The following GAB2 variants were observed in gnomAD, a reference collection of about 807,000 sequenced individuals.
GAB2 encodes GRB2-associated-binding protein 2.
In GAB2, 26 loss-of-function variants were observed where a neutral mutation model predicts 65.5. The observed-to-expected ratio is 0.40, with a 90% CI of 0.29 to 0.55. GAB2 has a LOEUF of 0.55. GAB2 is among the 20% of genes least tolerant of loss of function. GAB2 has a pLI of 0.53. For missense variants in GAB2, 884 were observed against 875.8 expected (o/e 1.01, Z -0.12); for synonymous variants, 321 against 329.6 (o/e 0.97, Z 0.28).
chr11:78,303,484 G>T (rs928762457), intron 1 of GAB2, among the ~76,000 whole-genome samples: 1 of 152,108 alleles, frequency 6.6e-6, no homozygotes, highest in South Asian at 2.1e-4. Context: ...TCAAATACAT[G>T]TAGGCCTATT....
chr11:78,344,973 T>A (rs1282621035), intron 1 of GAB2, among the ~76,000 whole-genome samples: 1 of 152,210 alleles, frequency 6.6e-6, no homozygotes, highest in Non-Finnish European at 1.5e-5. Context: ...CTTATAACAT[T>A]AAGTGAAATA....
In GAB2 at chr11:78,219,435, AAG is replaced by A. The variant is rs768583390; in HGVS notation, c.1888-22_1888-21del. On this transcript the variant is annotated intron_variant, in intron 9 of 9. Transcript: ENST00000361507. The stretch of plus-strand genomic sequence containing the variant: ...AGATGGCTGAGGGGACAGAGTGGGA[AAG>A]AGGGAGTAGCTGTGAGTTACCAGTT... 16 of 1,612,458 alleles carry A rather than the reference AAG, an allele frequency of 9.9e-6. No individual in the cohort carries two copies. In the Admixed American group the frequency reaches 2.0e-4, roughly 20 times the overall value.
chr11:78,353,990 C>T (rs936968864), intron 1 of GAB2, among the ~76,000 whole-genome samples: 2 of 152,228 alleles, frequency 1.3e-5, no homozygotes, highest in African/African-American at 4.8e-5. Context: ...GTAGCTCTGG[C>T]TTGGGGGCCT....
At chr11:78,339,499 A>G (rs1012660081) in intron 1 of GAB2, among the ~76,000 whole-genome samples, 7 of 152,194 alleles carry the variant, frequency 4.6e-5, no homozygotes, top group African/African-American at 1.4e-4. Flanking sequence ...GCCCTACAAT[A>G]CAACAAATTG....
intron 5 of GAB2, 41 bp from the exon 6 acceptor site, chr11:78,223,717 C>G: frequency 2.7e-6 from 4 of 1,503,124 alleles, no homozygotes; most frequent in Non-Finnish European, 3.6e-6. Flanking sequence ...CTGTTACTAG[C>G]AAGAAGAAAC....
chr11:78,296,351 T>C (rs1866827074), intron 1 of GAB2, among the ~76,000 whole-genome samples: 2 of 152,350 alleles, frequency 1.3e-5, no homozygotes, highest in South Asian at 2.1e-4. Flanking sequence ...TTTATATGTG[T>C]TTCTGTTTAA....
chr11:78,317,541 A>G (rs11237453), intron 1 of GAB2, among the ~76,000 whole-genome samples: 21,807 of 139,004 alleles, frequency 0.16, 2,172 homozygotes, highest in East Asian at 0.4. Context: ...GCCTGGCAAC[A>G]GTGCGAGACT....
At chr11:78,309,746 G>A (rs1240869683) in intron 1 of GAB2, among the ~76,000 whole-genome samples, 2 of 152,126 alleles carry the variant, frequency 1.3e-5, no homozygotes, top group Admixed American at 6.5e-5. Context: ...AAAGTGGAGA[G>A]CTCTGGGGAA....
intron 2 of GAB2, among the ~76,000 whole-genome samples, chr11:78,264,421 A>G (rs1287808750): frequency 6.7e-6 from 1 of 150,282 alleles, no homozygotes; most frequent in African/African-American, 2.5e-5. Flanking sequence ...TTTTTTTGAG[A>G]CACAGTCTCA....
intron 1 of GAB2, among the ~76,000 whole-genome samples, chr11:78,378,710 T>G (rs1196438701): frequency 6.6e-6 from 1 of 152,174 alleles, no homozygotes; most frequent in African/African-American, 2.4e-5. Context: ...AGGCTTGTCT[T>G]GAACTCCTGG....
At chr11:78,304,824 G>A (rs1855321840) in intron 1 of GAB2, among the ~76,000 whole-genome samples, 1 of 152,114 alleles carries the variant, frequency 6.6e-6, no homozygotes, top group Non-Finnish European at 1.5e-5. Flanking sequence ...CCTTCATTTG[G>A]TTCCAAACTG....
chr11:78,313,001 G>T (rs552094616), intron 1 of GAB2, among the ~76,000 whole-genome samples: 2 of 152,252 alleles, frequency 1.3e-5, no homozygotes, highest in South Asian at 4.1e-4. Flanking sequence ...ACTGTTTCAT[G>T]TTAATTCTTA....
chr11:78,270,155 C>T (rs536829402), intron 2 of GAB2, among the ~76,000 whole-genome samples: 98 of 152,030 alleles, frequency 6.4e-4, no homozygotes, highest in African/African-American at 2.3e-3. Context: ...GGTGAAACCC[C>T]GTTTCTACTA....
chr11:78,290,473 C>G (rs1171047935), intron 1 of GAB2, among the ~76,000 whole-genome samples: 3 of 152,184 alleles, frequency 2.0e-5, no homozygotes, highest in African/African-American at 4.8e-5. Context: ...GTCACATGAA[C>G]CTGTCTCTAT....
chr11:78,224,647 C>A (rs1864568524), intron 5 of GAB2, among the ~76,000 whole-genome samples: 1 of 152,214 alleles, frequency 6.6e-6, no homozygotes, highest in Admixed American at 6.5e-5. Context: ...TTGCCTGACA[C>A]CTTGGAGAAC....
Position 78,259,020 on chromosome 11 carries a change from C to T in GAB2, c.377-8620G>A, listed in dbSNP as rs116155650. Among the ~76,000 whole-genome samples, 855 of 152,202 alleles carry T rather than the reference C, an allele frequency of 5.6e-3. 4 individuals carry two copies. Among genetic ancestry groups the T allele is most frequent in the African/African-American group, 0.019 (802 of 41,520 alleles). On this transcript the variant is annotated intron_variant, in intron 2 of 9. Coordinates refer to ENST00000361507, the MANE Select transcript of GAB2 (RefSeq NM_080491.3). Reference sequence around the variant, plus strand: ...GTTATTTTTTTTGCTCCTCTCCCTCCTCCTACCCTCTACCCTCTGGTAGGC... The same window carrying T: ...GTTATTTTTTTTGCTCCTCTCCCTCTTCCTACCCTCTACCCTCTGGTAGGC...
At chr11:78,405,913 G>A (rs7941639) in intron 1 of GAB2, among the ~76,000 whole-genome samples, 24,915 of 152,066 alleles carry the variant, frequency 0.16, 2,758 homozygotes, top group East Asian at 0.43. Flanking sequence ...AGCAAGAGAC[G>A]AAACTGCTAA....
intron 1 of GAB2, among the ~76,000 whole-genome samples, chr11:78,382,570 T>C (rs982654435): frequency 1.3e-4 from 20 of 152,098 alleles, no homozygotes; most frequent in African/African-American, 4.1e-4. Context: ...TAATGCCTAA[T>C]AGACCCTCCA....
intron 1 of GAB2, among the ~76,000 whole-genome samples, chr11:78,356,407 C>T (rs1424718001): frequency 4.6e-5 from 7 of 152,114 alleles, no homozygotes; most frequent in Non-Finnish European, 1.0e-4. Context: ...AAGGTTTTCT[C>T]ACATGCAAGG....
Sources: gnomAD v4.1 joint callset for allele counts (sites outside exome capture counted in the v4.1 genomes callset) on GRCh38, gnomAD v4.1.1 for gene constraint, MANE v1.5 for transcripts, NCBI Gene and HGNC (gene_info 2026-07-23, HGNC 2026-07-21) for gene names.